PLXDC2: variants seen among roughly 807,000 people sequenced by gnomAD.
The protein encoded by PLXDC2 is plexin domain containing 2.
A neutral mutation model predicts 68.9 loss-of-function variants in PLXDC2; 40 were observed. That is an observed-to-expected ratio of 0.58 (90% CI 0.45 to 0.76). The LOEUF is 0.76. Among genes scored for constraint, PLXDC2 ranks in the 30% least tolerant of loss-of-function variants. The probability of loss-of-function intolerance (pLI) is 0.00; values close to 1 mark genes in which losing one functional copy is unlikely to be tolerated. For missense variants in PLXDC2, 644 were observed against 661.9 expected, an observed-to-expected ratio of 0.97 and a Z score of 0.30; for synonymous variants, 243 against 234.2, an observed-to-expected ratio of 1.04 and a Z score of -0.34.
In PLXDC2 at chr10:19,818,989, T is replaced by C. The variant is rs955387426; in HGVS notation, c.112+1798T>C. On this transcript the variant is annotated intron_variant, in intron 1 of 13. Coordinates refer to ENST00000377252, the MANE Select transcript of PLXDC2 (RefSeq NM_032812.9). ...ATGCCAGCAAATGTTTATCTTTTTA[T>C]AAACCTGTTCCAGTAACGTTACTGA... Among the ~76,000 whole-genome samples, 6 of 151,868 alleles carry C rather than the reference T, an allele frequency of 4.0e-5. No individual in the cohort carries two copies. In the East Asian group the frequency reaches 5.8e-4, roughly 15 times the overall value.
At chr10:19,926,538 G>A (rs1833539364) in intron 1 of PLXDC2, among the ~76,000 whole-genome samples, 1 of 152,098 alleles carries the variant, frequency 6.6e-6, no homozygotes, top group African/African-American at 2.4e-5. Flanking sequence ...TTATCGGAAA[G>A]GGCTGATTGA....
chr10:19,939,977 G>A (rs1195240839), intron 1 of PLXDC2, among the ~76,000 whole-genome samples: 1 of 151,868 alleles, frequency 6.6e-6, no homozygotes, highest in Non-Finnish European at 1.5e-5. Flanking sequence ...CATTGGTATG[G>A]TTGGCTTTTT....
At chr10:19,984,531 G>T (rs577711880) in intron 1 of PLXDC2, among the ~76,000 whole-genome samples, 1 of 152,310 alleles carries the variant, frequency 6.6e-6, no homozygotes, top group East Asian at 1.9e-4. Context: ...CATGTGTAGG[G>T]TAGAAACATG....
Position 19,834,893 on chromosome 10 carries a change from A to T in PLXDC2, c.112+17702A>T, listed in dbSNP as rs78387861. Among the ~76,000 whole-genome samples, 387 of 152,178 alleles carry T rather than the reference A, an allele frequency of 2.5e-3. 9 individuals carry two copies. In the East Asian group the frequency reaches 0.052, roughly 21 times the overall value. On this transcript the variant is annotated intron_variant, in intron 1 of 13. Coordinates refer to ENST00000377252, the MANE Select transcript of PLXDC2 (RefSeq NM_032812.9). ...TGTGATGTGTGTATATATGTGTGTGAGAGAGAGAGTGGGTGCATTCACTAT... is the reference window on the plus strand; with the variant it reads ...TGTGATGTGTGTATATATGTGTGTGTGAGAGAGAGTGGGTGCATTCACTAT...
At chr10:20,272,441 CA>C (rs1317559448) in intron 13 of PLXDC2, among the ~76,000 whole-genome samples, 1 of 150,804 alleles carries the variant, frequency 6.6e-6, no homozygotes, top group Non-Finnish European at 1.5e-5. Context: ...AAAATGAAGT[CA>C]AAAAAGGAAA....
At chr10:19,886,901 C>A (rs1450257128) in intron 1 of PLXDC2, among the ~76,000 whole-genome samples, 1 of 152,164 alleles carries the variant, frequency 6.6e-6, no homozygotes, top group Non-Finnish European at 1.5e-5. Flanking sequence ...GCATATCTCC[C>A]TCTGTATTCA....
chr10:20,052,722 C>CAAAAAAAAAAAAAAAAAAAA (rs59776582), intron 3 of PLXDC2, among the ~76,000 whole-genome samples: 7 of 92,798 alleles, frequency 7.5e-5, no homozygotes, highest in African/African-American at 1.9e-4. Context: ...ACAAATTATG[C>CAAAAAAAAAAAAAAAAAAAA]AAAAAAAAAA....
chr10:20,184,700 AAT>A, intron 9 of PLXDC2, among the ~76,000 whole-genome samples: 1 of 152,022 alleles, frequency 6.6e-6, no homozygotes, highest in South Asian at 2.1e-4. Flanking sequence ...ACCTTTCCCA[AAT>A]CACTAATCTT....
intron 1 of PLXDC2, among the ~76,000 whole-genome samples, chr10:19,963,847 AC>A (rs989675298): frequency 1.1e-4 from 16 of 152,078 alleles, no homozygotes; most frequent in African/African-American, 3.6e-4. Flanking sequence ...AAAAAAAAAA[AC>A]AAAAAACAAG....
intron 4 of PLXDC2, among the ~76,000 whole-genome samples, chr10:20,108,565 G>A (rs927228200): frequency 3.3e-5 from 5 of 152,158 alleles, no homozygotes; most frequent in Admixed American, 2.0e-4. Flanking sequence ...AAATCAGTGC[G>A]TGGTGGATAA....
At chr10:20,070,866 G>GT (rs940308700) in intron 4 of PLXDC2, 2 of 151,970 alleles carry the variant, frequency 1.3e-5, no homozygotes, top group African/African-American at 4.8e-5. Context: ...CCAATATGAA[G>GT]TAAGATTTCT....
chr10:20,260,816 T>C (rs1357400557), intron 13 of PLXDC2, among the ~76,000 whole-genome samples: 11 of 152,220 alleles, frequency 7.2e-5, no homozygotes, highest in Admixed American at 7.2e-4. Flanking sequence ...CCCCCAACAA[T>C]GTACAAAGGT....
At chr10:19,873,808 G>T (rs961550772) in intron 1 of PLXDC2, among the ~76,000 whole-genome samples, 1 of 152,182 alleles carries the variant, frequency 6.6e-6, no homozygotes, top group African/African-American at 2.4e-5. Flanking sequence ...GTAAGATTAG[G>T]GGTGTTTGGT....
At chr10:20,194,420 A>G (rs1434242221) in intron 9 of PLXDC2, among the ~76,000 whole-genome samples, 1 of 152,064 alleles carries the variant, frequency 6.6e-6, no homozygotes, top group Admixed American at 6.6e-5. Flanking sequence ...AGGGAAAAAC[A>G]TAATGTTTTT....
At chr10:20,057,927 A>C (rs1266089907) in intron 3 of PLXDC2, among the ~76,000 whole-genome samples, 1 of 152,148 alleles carries the variant, frequency 6.6e-6, no homozygotes, top group Non-Finnish European at 1.5e-5. Flanking sequence ...TGCATTAAAA[A>C]AAAAAGATGT....
chr10:20,136,421 G>A (rs781260284), intron 4 of PLXDC2, among the ~76,000 whole-genome samples: 5 of 152,114 alleles, frequency 3.3e-5, no homozygotes, highest in African/African-American at 9.7e-5. Context: ...AATAGAACTC[G>A]TGCAAAACAT....
At chr10:19,956,779 G>C (rs1834076787) in intron 1 of PLXDC2, among the ~76,000 whole-genome samples, 1 of 152,288 alleles carries the variant, frequency 6.6e-6, no homozygotes, top group East Asian at 1.9e-4. Context: ...TACTAGCGTT[G>C]TCTAAAACTT....
intron 1 of PLXDC2, among the ~76,000 whole-genome samples, chr10:19,874,652 C>G (rs77087900): frequency 1.2e-3 from 179 of 152,228 alleles, no homozygotes; most frequent in African/African-American, 4.2e-3. Context: ...TGCAGACAAG[C>G]GAATTTTCTT....
chr10:20,251,426 C>G (rs966195521), intron 13 of PLXDC2, among the ~76,000 whole-genome samples: 2 of 152,014 alleles, frequency 1.3e-5, no homozygotes, highest in African/African-American at 4.8e-5. Flanking sequence ...TTTAAAAGAT[C>G]TTGATGAAAC....
Sources: gnomAD v4.1 joint callset for allele counts (sites outside exome capture counted in the v4.1 genomes callset) on GRCh38, gnomAD v4.1.1 for gene constraint, MANE v1.5 for transcripts, NCBI Gene and HGNC (gene_info 2026-07-23, HGNC 2026-07-21) for gene names.